DIXDC1: variants seen among roughly 807,000 people sequenced by gnomAD.
DIXDC1 encodes DIX domain containing 1.
A neutral mutation model predicts 103.1 loss-of-function variants in DIXDC1; 64 were observed. That is an observed-to-expected ratio of 0.62 (90% confidence interval 0.51 to 0.76). The LOEUF is 0.76. DIXDC1 is among the 30% of genes least tolerant of loss of function. The pLI, the probability that DIXDC1 is intolerant of heterozygous loss-of-function variation, is 0.00. For missense variants in DIXDC1, 759 were observed against 834.2 expected, an observed-to-expected ratio of 0.91 and a Z score of 1.11; for synonymous variants, 266 against 298.5, an observed-to-expected ratio of 0.89 and a Z score of 1.12.
At chr11:111,982,685 T>C (rs187848260) in intron 7 of DIXDC1, among the ~76,000 whole-genome samples, 198 bp downstream of exon 7, 60 of 152,328 alleles carry the variant, frequency 3.9e-4, no homozygotes, top group Admixed American at 7.2e-4. Flanking sequence ...CTACCGTTCA[T>C]AGCACAGCGC....
At chr11:112,010,342 T>A (rs1214177908) in intron 17 of DIXDC1, among the ~76,000 whole-genome samples, 1 of 152,142 alleles carries the variant, frequency 6.6e-6, no homozygotes, top group East Asian at 1.9e-4. Context: ...TGCTCATGGA[T>A]AGGAAGAATA....
intron 12 of DIXDC1, 93 bp downstream of exon 12, chr11:111,993,097 T>C: frequency 2.9e-6 from 4 of 1,389,286 alleles, no homozygotes; most frequent in Non-Finnish European, 3.9e-6. Flanking sequence ...TATTCTATTT[T>C]CATCCTTTTT....
intron 17 of DIXDC1, among the ~76,000 whole-genome samples, chr11:112,012,503 A>AT (rs1344063672): frequency 6.6e-6 from 1 of 152,160 alleles, no homozygotes; most frequent in African/African-American, 2.4e-5. Context: ...TTAAAGATCT[A>AT]TTTTTTTAAG....
chr11:112,006,240 C>T (rs925775433), intron 17 of DIXDC1, among the ~76,000 whole-genome samples: 1 of 152,230 alleles, frequency 6.6e-6, no homozygotes, highest in Non-Finnish European at 1.5e-5. Flanking sequence ...GGGAGGGGCA[C>T]CTGCCATTGC....
At position 111,952,540 on chromosome 11, in the gene DIXDC1, T is replaced by C. The variant is rs189201945; in HGVS notation, c.61-12009T>C. 4.1e-3 allele frequency among the ~76,000 whole-genome samples: 618 copies of C among 151,862 alleles called. 2 individuals carry two copies. Among genetic ancestry groups the C allele is most frequent in the African/African-American group, 0.014 (573 of 41,444 alleles). On this transcript the variant is annotated intron_variant, in intron 1 of 19. Coordinates refer to ENST00000440460, the MANE Select transcript of DIXDC1 (RefSeq NM_001037954.4). The stretch of plus-strand genomic sequence containing the variant: ...TGTCTCTACAAAAAAATCCAAAAAT[T>C]GGCCAGGCCTGGTGGCTCACACCTG...
At chr11:112,013,314 C>T (rs190076166) in intron 17 of DIXDC1, among the ~76,000 whole-genome samples, 4,559 of 9,652 alleles carry the variant, frequency 0.47, 495 homozygotes, top group African/African-American at 0.54. Context: ...GTTGACGGGT[C>T]GGGGGGTGGG....
intron 17 of DIXDC1, among the ~76,000 whole-genome samples, chr11:112,014,620 T>C (rs888059458): frequency 6.6e-6 from 1 of 152,208 alleles, no homozygotes; most frequent in Non-Finnish European, 1.5e-5. Context: ...GATTTTAGTG[T>C]ATTGTAATTA....
chr11:111,937,274 T>C, upstream of DIXDC1: 1 of 1,302,864 alleles, frequency 7.7e-7, no homozygotes, highest in Non-Finnish European at 9.7e-7. Flanking sequence ...GTTGTTTCCA[T>C]AGGAACCGCG....
intron 15 of DIXDC1, 112 bp downstream of exon 15, chr11:111,995,220 G>A (rs2137587465): frequency 7.4e-7 from 1 of 1,342,326 alleles, no homozygotes; most frequent in Non-Finnish European, 1.0e-6. Context: ...CTAATTCCTG[G>A]ATCTGTGGAG....
At chr11:112,003,972 G>A (rs1201943860) in intron 17 of DIXDC1, among the ~76,000 whole-genome samples, 3 of 146,558 alleles carry the variant, frequency 2.0e-5, no homozygotes, top group Non-Finnish European at 4.5e-5. Context: ...TGTGTCCAGG[G>A]ATTTGAGACC....
At chr11:111,961,001 G>C (rs1024646156) in intron 1 of DIXDC1, among the ~76,000 whole-genome samples, 8 of 152,186 alleles carry the variant, frequency 5.3e-5, no homozygotes, top group Non-Finnish European at 1.5e-5. Flanking sequence ...TGACCTTGAC[G>C]TGCAGCCAGG....
chr11:112,016,283 C>T (rs1332394806), intron 17 of DIXDC1, among the ~76,000 whole-genome samples: 4 of 152,102 alleles, frequency 2.6e-5, no homozygotes, highest in Non-Finnish European at 5.9e-5. Context: ...TTGTTCCTAT[C>T]GGTTTTTCTT....
chr11:111,964,576 G>A lies in DIXDC1; in HGVS notation c.88G>A (p.Val30Met), dbSNP rs782205391. 1.2e-6 allele frequency: 2 copies of A among 1,608,084 alleles called. No individual in the cohort carries two copies. Among genetic ancestry groups the A allele is most frequent in the Non-Finnish European group, 1.7e-6 (2 of 1,177,144 alleles). The stretch of plus-strand genomic sequence containing the variant: ...ACAGCTGCAGGCCTATGTGGCCTGG[G>A]TGAATGCACAGCTGAAGAAGAGGCC... ...EQQLQAYVAW[V>M]NAQLKKRPAV... Residue 30 changes from valine (V) to methionine (M), a missense_variant, in exon 2 of 20, where the codon GTG becomes ATG. Transcript: ENST00000440460.
Position 111,964,559 on chromosome 11 carries a change from A to C in DIXDC1, c.71A>C (p.Gln24Pro). Residue 24 changes from glutamine (Q) to proline (P), a missense_variant, in exon 2 of 20, where the codon CAG (glutamine) becomes CCG (proline). Coordinates refer to ENST00000440460, the MANE Select transcript of DIXDC1 (RefSeq NM_001037954.4). ...TCTTTTATTTTCCAGCAACAGCTGC[A>C]GGCCTATGTGGCCTGGGTGAATGCA... The part of the protein sequence containing the change: ...LQEGFNEQQL[Q>P]AYVAWVNAQL... 1 of 1,603,880 alleles carries C rather than the reference A, an allele frequency of 6.2e-7. No individual in the cohort carries two copies.
In DIXDC1 at chr11:111,976,079, G is replaced by A. The variant is rs1860086779; in HGVS notation, c.656+1096G>A. 4.0e-6 allele frequency: 1 copy of A among 250,654 alleles called. No individual in the cohort carries two copies. The highest frequency in any genetic ancestry group is 6.3e-6 in the Non-Finnish European group (1 of 158,276). 15.5% of individuals were successfully genotyped at this position (250,654 alleles called of 1,614,324 possible). ...AGAAGACATCTTCATCACCCCAAAA[G>A]GAAGCCCTGCGCCCATTAAGCAGCA... is the stretch of plus-strand genomic sequence containing the variant. On this transcript the variant is annotated intron_variant, in intron 5 of 19. Coordinates refer to ENST00000440460, the MANE Select transcript of DIXDC1 (RefSeq NM_001037954.4). This position sits in a 1 kb window ranked among gnomAD's most constrained non-coding sequence, Gnocchi z 4.3.
chr11:111,977,801 T>A lies in DIXDC1; in HGVS notation c.656+2818T>A, dbSNP rs1860163977. On this transcript the variant is annotated intron_variant, in intron 5 of 19. Coordinates refer to ENST00000440460, the MANE Select transcript of DIXDC1 (RefSeq NM_001037954.4). This position sits in a 1 kb window ranked among gnomAD's most constrained non-coding sequence, Gnocchi z 6.1. Reference sequence around the variant, plus strand: ...GAGGGACGCAAGTCAAATGGTGAGCTGAAGCCACTCTGGCTTTGGAAGTGG... The same window carrying A: ...GAGGGACGCAAGTCAAATGGTGAGCAGAAGCCACTCTGGCTTTGGAAGTGG... 6.4e-7 allele frequency: 1 copy of A among 1,561,700 alleles called. No individual in the cohort carries two copies. Among genetic ancestry groups the A allele is most frequent in the African/African-American group, 1.4e-5 (1 of 72,810 alleles).
intron 1 of DIXDC1, among the ~76,000 whole-genome samples, chr11:111,956,785 C>T (rs184693550): frequency 2.0e-4 from 31 of 152,008 alleles, no homozygotes; most frequent in African/African-American, 3.4e-4. Context: ...CCACCATGCC[C>T]GGCCTAAAAT....
chr11:111,999,158 C>T (rs1860990949), intron 17 of DIXDC1, among the ~76,000 whole-genome samples: 1 of 152,268 alleles, frequency 6.6e-6, no homozygotes, highest in Admixed American at 6.5e-5. Flanking sequence ...TTCTCATTCC[C>T]CTCTGGCTGT....
chr11:111,931,143 C>T (rs189204069), intron 2 of DIXDC1, among the ~76,000 whole-genome samples: 24 of 151,876 alleles, frequency 1.6e-4, no homozygotes, highest in African/African-American at 4.1e-4. Flanking sequence ...TGTGAGCCAT[C>T]GTGACTGGCC....
Sources: allele counts gnomAD v4.1 joint callset (sites outside exome capture counted in the v4.1 genomes callset), GRCh38; gene constraint gnomAD v4.1.1; non-coding constraint Gnocchi (gnomAD v3.1); transcripts MANE v1.5; gene names NCBI Gene and HGNC (gene_info 2026-07-23, HGNC 2026-07-21).